CCDC3: variants seen among roughly 807,000 people sequenced by gnomAD.
The protein encoded by CCDC3 is coiled-coil domain-containing protein 3.
In CCDC3, 24 loss-of-function variants were observed where a neutral mutation model predicts 21.4. The observed-to-expected ratio is 1.12, with a 90% CI of 0.81 to 1.58. The LOEUF (loss-of-function observed/expected upper bound fraction) is 1.58, where lower values mean the gene tolerates loss of function less well. Ranked by LOEUF, CCDC3 falls within the 40% of genes most tolerant of loss-of-function variation. The pLI is 0.00. For missense variants in CCDC3, 425 were observed against 360.9 expected, an observed-to-expected ratio of 1.18 and a Z score of -1.44; for synonymous variants, 186 against 166.0, an observed-to-expected ratio of 1.12 and a Z score of -0.93.
Position 12,917,608 on chromosome 10 carries a change from C to T in CCDC3, c.550-18929G>A, listed in dbSNP as rs568759583. On this transcript the variant is annotated intron_variant, in intron 2 of 2. Transcript: ENST00000378825. ...GAGAGTTGTTCAAACTGATTTTCTG[C>T]GTGGGAGATGAGTGGTGAAGAGTCC... Among the ~76,000 whole-genome samples, 6 of 152,184 alleles carry T rather than the reference C, an allele frequency of 3.9e-5. No homozygotes were observed. In the South Asian group the frequency reaches 8.3e-4, roughly 21 times the overall value.
At chr10:12,923,141 T>A (rs990119343) in intron 2 of CCDC3, among the ~76,000 whole-genome samples, 10 of 152,182 alleles carry the variant, frequency 6.6e-5, no homozygotes, top group Admixed American at 3.3e-4. Flanking sequence ...TTCCACAGAC[T>A]CCCCATGGAC....
intron 5 of CCDC3, among the ~76,000 whole-genome samples, chr10:13,015,945 T>C (rs1836052937): frequency 6.6e-6 from 1 of 151,970 alleles, no homozygotes; most frequent in African/African-American, 2.4e-5. Flanking sequence ...TAACTAAGAG[T>C]ATAACTGGAT....
chr10:12,929,208 G>A (rs904769255), intron 2 of CCDC3, among the ~76,000 whole-genome samples: 2 of 148,642 alleles, frequency 1.3e-5, no homozygotes, highest in African/African-American at 5.0e-5. Flanking sequence ...GTCGCAGTGA[G>A]CCGAGATCGT....
In CCDC3 at chr10:12,987,976, A is replaced by G. The variant is rs551731829; in HGVS notation, c.549+10362T>C. 5.9e-5 allele frequency among the ~76,000 whole-genome samples: 9 copies of G among 152,050 alleles called. No individual in the cohort carries two copies. In the South Asian group the frequency reaches 1.7e-3, roughly 28 times the overall value. ...CTCCCTGCTTCCGCTTTTGCCCCTC[A>G]GCAATCTGTGGTTCACTCAGCTGCC... is the stretch of plus-strand genomic sequence containing the variant. On this transcript the variant is annotated intron_variant, in intron 2 of 2. Coordinates refer to ENST00000378825, the MANE Select transcript of CCDC3 (RefSeq NM_031455.4).
intron 5 of CCDC3, among the ~76,000 whole-genome samples, chr10:13,036,440 C>T (rs1204831640): frequency 5.3e-5 from 8 of 152,202 alleles, no homozygotes; most frequent in African/African-American, 1.9e-4. Flanking sequence ...CATGTTCTCT[C>T]TAAGCTAGAC....
chr10:12,951,379 G>A (rs1835005886), intron 2 of CCDC3, among the ~76,000 whole-genome samples: 1 of 152,104 alleles, frequency 6.6e-6, no homozygotes, highest in Non-Finnish European at 1.5e-5. Context: ...ACCCATTTAA[G>A]GAATGTTTGA....
chr10:12,911,273 A>G (rs10795995), intron 2 of CCDC3, among the ~76,000 whole-genome samples: 5 of 152,012 alleles, frequency 3.3e-5, no homozygotes, highest in Non-Finnish European at 7.4e-5. Flanking sequence ...TCTTTCTTCC[A>G]CTAGACTAAA....
chr10:13,094,271 ATG>A (rs1832607859), intron 3 of CCDC3, among the ~76,000 whole-genome samples: 1 of 151,596 alleles, frequency 6.6e-6, no homozygotes, highest in Non-Finnish European at 1.5e-5. Context: ...GATGATGATG[ATG>A]ATGATGATGA....
intron 2 of CCDC3, among the ~76,000 whole-genome samples, chr10:12,909,870 A>C (rs1396424545): frequency 6.6e-6 from 1 of 152,224 alleles, no homozygotes; most frequent in Non-Finnish European, 1.5e-5. Flanking sequence ...ATTAGGGGCC[A>C]GTCTCCAGCT....
chr10:12,983,580 A>C (rs1835539914), intron 2 of CCDC3, among the ~76,000 whole-genome samples: 1 of 151,964 alleles, frequency 6.6e-6, no homozygotes, highest in South Asian at 2.1e-4. Flanking sequence ...TCAAGAAAAA[A>C]AAAAAACAAA....
chr10:12,912,889 G>A (rs1293385375), intron 2 of CCDC3, among the ~76,000 whole-genome samples: 1 of 152,118 alleles, frequency 6.6e-6, no homozygotes, highest in East Asian at 1.9e-4. Flanking sequence ...TGCATGTCTT[G>A]GCATCTCTGT....
At chr10:12,906,495 T>C (rs1266827557) in intron 2 of CCDC3, among the ~76,000 whole-genome samples, 4 of 152,136 alleles carry the variant, frequency 2.6e-5, no homozygotes, top group African/African-American at 7.2e-5. Context: ...TTCCTGATGC[T>C]GCCGGGGGAG....
In CCDC3 at chr10:12,998,413, G is replaced by C; in HGVS notation, c.474C>G (p.Phe158Leu). 2 of 1,614,194 alleles carry C rather than the reference G, an allele frequency of 1.2e-6. No individual in the cohort carries two copies. The highest frequency in any genetic ancestry group is 1.7e-6 in the Non-Finnish European group (2 of 1,180,044). Reference protein sequence around the residue: ...QENRRMFSSLFQFSNCSQGQQ... With the variant: ...QENRRMFSSLLQFSNCSQGQQ... ...GCCCTTGCGAACAGTTTGAAAACTG[G>C]AAAAGGCTAGAAAACATCCTTCTGT... The change falls in exon 2 of 3, where the codon TTC (phenylalanine) becomes TTG (leucine). Residue 158 changes from phenylalanine to leucine, a missense_variant. Phe to Leu is a conservative substitution (Grantham distance 22). Coordinates refer to ENST00000378825, the MANE Select transcript of CCDC3 (RefSeq NM_031455.4).
intron 4 of CCDC3, among the ~76,000 whole-genome samples, chr10:13,073,036 T>C (rs1836905845): frequency 6.6e-6 from 1 of 151,812 alleles, no homozygotes. Context: ...CTGGCTAATT[T>C]TTATATTTTT....
Position 13,093,305 on chromosome 10 carries a change from A to C in CCDC3, c.-503+5220T>G, listed in dbSNP as rs535048813. 1.2e-4 allele frequency among the ~76,000 whole-genome samples: 19 copies of C among 152,302 alleles called. No homozygotes were observed. The South Asian group carries it at 3.3e-3, about 27-fold the overall frequency. On this transcript the variant is annotated intron_variant, in intron 3 of 6. Coordinates refer to the CCDC3 transcript ENST00000378839. The stretch of plus-strand genomic sequence containing the variant: ...CCAAGTGAAAGGGGTTTCCCCTTAT[A>C]AAACCATCACATCTCGTGAGACTTA...
intron 1 of CCDC3, among the ~76,000 whole-genome samples, chr10:12,999,557 G>C (rs1835814611): frequency 6.6e-6 from 1 of 152,140 alleles, no homozygotes; most frequent in Non-Finnish European, 1.5e-5. Flanking sequence ...AACAGAGAAG[G>C]AATGATTTGT....
chr10:13,049,960 A>G (rs756809390), intron 4 of CCDC3: 6 of 152,238 alleles, frequency 3.9e-5, no homozygotes, highest in Non-Finnish European at 8.8e-5. Flanking sequence ...GGGAAGAAAC[A>G]CAGAATCAAA....
chr10:12,899,784 A>T (rs1222374082), intron 2 of CCDC3, among the ~76,000 whole-genome samples: 1 of 152,252 alleles, frequency 6.6e-6, no homozygotes, highest in African/African-American at 2.4e-5. Flanking sequence ...CATATGCAAG[A>T]AACGGGTAAG....
chr10:12,948,977 C>G (rs1183223820), intron 2 of CCDC3, among the ~76,000 whole-genome samples: 1 of 151,828 alleles, frequency 6.6e-6, no homozygotes, highest in African/African-American at 2.4e-5. Context: ...GTGATCCACC[C>G]GCCTCGGCCT....
Sources: allele counts gnomAD v4.1 joint callset (sites outside exome capture counted in the v4.1 genomes callset), GRCh38; gene constraint gnomAD v4.1.1; transcripts MANE v1.5; gene names NCBI Gene and HGNC (gene_info 2026-07-23, HGNC 2026-07-21).